Variants in XKR6 observed in about 807,000 individuals in gnomAD.
XKR6 encodes XK related 6, also known as XK-related protein 6.
Under a neutral mutation model 56.7 loss-of-function variants are expected in XKR6, and 22 were observed. That is an observed-to-expected ratio of 0.39 (90% CI 0.28 to 0.55). The LOEUF (loss-of-function observed/expected upper bound fraction) is 0.55, where lower values mean the gene tolerates loss of function less well. XKR6 is among the 20% of genes least tolerant of loss of function. The probability of loss-of-function intolerance (pLI) is 0.66; values close to 1 mark genes in which losing one functional copy is unlikely to be tolerated. For missense variants in XKR6, 852 were observed against 889.0 expected, an observed-to-expected ratio of 0.96 and a Z score of 0.53; for synonymous variants, 524 against 387.8, an observed-to-expected ratio of 1.35 and a Z score of -4.13.
chr8:11,195,232 A>G (rs1412291070), intron 1 of XKR6: 1 of 700,208 alleles, frequency 1.4e-6, no homozygotes, highest in East Asian at 2.7e-5. Context: ...CTGCAACATT[A>G]TAAAAAATAA....
chr8:11,159,824 G>C (rs1215237106), intron 1 of XKR6, among the ~76,000 whole-genome samples: 1 of 152,198 alleles, frequency 6.6e-6, no homozygotes, highest in Non-Finnish European at 1.5e-5. Context: ...TCTTAAAAAT[G>C]AACACAAAGA....
intron 1 of XKR6, among the ~76,000 whole-genome samples, chr8:11,043,131 G>C (rs78074073): frequency 2.0e-5 from 3 of 151,924 alleles, no homozygotes; most frequent in Admixed American, 6.6e-5. Context: ...CATTATGGGA[G>C]GATAAAATAT....
At chr8:10,966,138 G>C (rs774988006) in intron 1 of XKR6, among the ~76,000 whole-genome samples, 3 of 152,166 alleles carry the variant, frequency 2.0e-5, no homozygotes, top group Non-Finnish European at 4.4e-5. Context: ...CTCAAACCTC[G>C]GGTACATCCG....
chr8:11,115,677 A>T (rs976245398), intron 1 of XKR6, among the ~76,000 whole-genome samples: 3 of 152,202 alleles, frequency 2.0e-5, no homozygotes, highest in Non-Finnish European at 4.4e-5. Flanking sequence ...ATTCAAATTA[A>T]GCTCCATGTT....
intron 1 of XKR6, among the ~76,000 whole-genome samples, chr8:11,022,597 AATGC>A (rs1224010010): frequency 2.0e-5 from 3 of 152,162 alleles, no homozygotes; most frequent in Non-Finnish European, 4.4e-5. Flanking sequence ...AGCAGAGGAG[AATGC>A]ATGCGCTTCC....
chr8:10,970,229 G>A (rs1802364532), intron 1 of XKR6, among the ~76,000 whole-genome samples: 1 of 152,224 alleles, frequency 6.6e-6, no homozygotes, highest in Non-Finnish European at 1.5e-5. Flanking sequence ...CAACTGTACA[G>A]ACATATCTGC....
intron 1 of XKR6, among the ~76,000 whole-genome samples, chr8:11,048,872 G>A (rs889612763): frequency 4.6e-5 from 7 of 152,138 alleles, no homozygotes; most frequent in Non-Finnish European, 1.0e-4. Flanking sequence ...CTGCCCCATG[G>A]CACTGTCCTG....
At chr8:11,191,181 G>C (rs1803553621) in intron 1 of XKR6, among the ~76,000 whole-genome samples, 1 of 152,138 alleles carries the variant, frequency 6.6e-6, no homozygotes, top group African/African-American at 2.4e-5. Context: ...TCAGCTCCTA[G>C]TTCTATTAAT....
chr8:10,969,681 C>A (rs151301689), intron 1 of XKR6, among the ~76,000 whole-genome samples: 4 of 152,184 alleles, frequency 2.6e-5, no homozygotes, highest in African/African-American at 7.2e-5. Flanking sequence ...CACTGAGTAA[C>A]GTTCTTTAAC....
At chr8:11,170,860 T>C (rs1802331659) in intron 1 of XKR6, among the ~76,000 whole-genome samples, 2 of 152,212 alleles carry the variant, frequency 1.3e-5, no homozygotes, top group Non-Finnish European at 2.9e-5. Context: ...TTTGTAATGT[T>C]GGAGAATATT....
At chr8:11,067,682 A>G (rs1469063306) in intron 1 of XKR6, among the ~76,000 whole-genome samples, 2 of 152,230 alleles carry the variant, frequency 1.3e-5, no homozygotes, top group East Asian at 3.9e-4. Flanking sequence ...GTGCCCACAC[A>G]CAGTTTCCTC....
chr8:11,191,863 C>G (rs774690129), intron 1 of XKR6, among the ~76,000 whole-genome samples: 3 of 151,978 alleles, frequency 2.0e-5, no homozygotes, highest in Admixed American at 6.6e-5. Flanking sequence ...GATGATTTTA[C>G]GAATTAAGGA....
Position 11,062,071 on chromosome 8 carries a change from T to C in XKR6, c.765-137241A>G, listed in dbSNP as rs1241175947. ...ACTGCATTCCATGGGACAGACAGGATGGGAAAACCAGGATGCTCAGAGAAA... is the reference window on the plus strand; with the variant it reads ...ACTGCATTCCATGGGACAGACAGGACGGGAAAACCAGGATGCTCAGAGAAA... On this transcript the variant is annotated intron_variant, in intron 1 of 2. Transcript: ENST00000416569. Among the ~76,000 whole-genome samples the C allele has an allele frequency of 2.6e-5, 4 of 151,920 alleles. No individual in the cohort carries two copies. In the East Asian group the frequency reaches 5.8e-4, roughly 22 times the overall value.
In XKR6 at chr8:11,052,858, A is replaced by C. The variant is rs559750818; in HGVS notation, c.765-128028T>G. ...GTCCTCCCACTCCCGCACCCCTAGC[A>C]GGGGCTAAACTCTCCTAGGCTTCCT... On this transcript the variant is annotated intron_variant, in intron 1 of 2. Transcript: ENST00000416569. Among the ~76,000 whole-genome samples, 3 of 152,204 alleles carry C rather than the reference A, an allele frequency of 2.0e-5. No individual in the cohort carries two copies. The East Asian group carries it at 5.8e-4, about 29-fold the overall frequency.
chr8:11,173,366 T>TACAC (rs528628983), intron 1 of XKR6, among the ~76,000 whole-genome samples: 1,976 of 143,946 alleles, frequency 0.014, 39 homozygotes, highest in African/African-American at 0.046. Flanking sequence ...TATATATATA[T>TACAC]ACACACACAC....
chr8:11,199,972 C>CAAA (rs80153634), intron 1 of XKR6, among the ~76,000 whole-genome samples: 1 of 136,138 alleles, frequency 7.3e-6, no homozygotes. Context: ...TCCAGCAAAC[C>CAAA]AAAAAAAAAA....
chr8:11,128,757 T>A (rs977541977), intron 1 of XKR6: 5 of 436,654 alleles, frequency 1.1e-5, no homozygotes, highest in East Asian at 1.4e-4. Flanking sequence ...TTTCCAACTT[T>A]CTTTCCCTCA....
At chr8:10,951,217 A>G (rs1801709181) in intron 1 of XKR6, among the ~76,000 whole-genome samples, 1 of 151,752 alleles carries the variant, frequency 6.6e-6, no homozygotes, top group South Asian at 2.1e-4. Flanking sequence ...TCAAATGAGC[A>G]AATAGTGATG....
intron 1 of XKR6, among the ~76,000 whole-genome samples, chr8:11,192,603 A>T (rs2117134593): frequency 6.6e-6 from 1 of 152,242 alleles, no homozygotes; most frequent in South Asian, 2.1e-4. Context: ...AAACAGAGTG[A>T]GAATCTGTTT....
Sources: allele counts gnomAD v4.1 joint callset (sites outside exome capture counted in the v4.1 genomes callset), GRCh38; gene constraint gnomAD v4.1.1; transcripts MANE v1.5; gene names NCBI Gene and HGNC (gene_info 2026-07-23, HGNC 2026-07-21).